IKZF1: variants seen among roughly 807,000 people sequenced by gnomAD.
IKZF1 encodes DNA-binding protein Ikaros.
Under a neutral mutation model 51.7 loss-of-function variants are expected in IKZF1, and 10 were observed. The observed-to-expected ratio is 0.19, with a 90% CI of 0.12 to 0.33. The LOEUF (loss-of-function observed/expected upper bound fraction) is 0.33. IKZF1 is among the 10% of genes least tolerant of loss of function. The pLI, the probability that IKZF1 is intolerant of heterozygous loss-of-function variation, is 1.00. For missense variants in IKZF1, 484 were observed against 707.5 expected, an observed-to-expected ratio of 0.68 and a Z score of 3.58; for synonymous variants, 280 against 282.3, an observed-to-expected ratio of 0.99 and a Z score of 0.08.
At chr7:50,311,352 A>G (rs2153339949) in intron 1 of IKZF1, among the ~76,000 whole-genome samples, 1 of 152,304 alleles carries the variant, frequency 6.6e-6, no homozygotes, top group Non-Finnish European at 1.5e-5. Flanking sequence ...TTCTTTCTGT[A>G]TTTATATGTA....
chr7:50,306,471 A>C (rs1286372656), intron 1 of IKZF1, among the ~76,000 whole-genome samples: 1 of 152,206 alleles, frequency 6.6e-6, no homozygotes, highest in African/African-American at 2.4e-5. Context: ...TGTTCTAATT[A>C]GAGTGGTACC....
chr7:50,318,462 A>G lies in IKZF1; in HGVS notation c.-14-586A>G, dbSNP rs1215381559. Reference sequence around the variant, plus strand: ...CTGAGGCAAGGGCCCAGAAAGATTGAGGGACAAAGACAGGAGCGCCCGCAT... The same window carrying G: ...CTGAGGCAAGGGCCCAGAAAGATTGGGGGACAAAGACAGGAGCGCCCGCAT... On this transcript the variant is annotated intron_variant, in intron 1 of 7. Coordinates refer to ENST00000331340, the MANE Select transcript of IKZF1 (RefSeq NM_006060.6). 30 of 228,958 alleles carry G rather than the reference A, an allele frequency of 1.3e-4. No individual in the cohort carries two copies. The East Asian group carries it at 1.7e-3, about 13-fold the overall frequency. The allele number at this position is 228,958 out of a possible 1,614,324, so 14.2% of individuals were successfully genotyped here. A position where few individuals can be genotyped will look rare whatever the true frequency, so the allele number is the denominator to read the frequency against.
At chr7:50,363,527 C>T (rs1805893588) in intron 3 of IKZF1, among the ~76,000 whole-genome samples, 1 of 152,148 alleles carries the variant, frequency 6.6e-6, no homozygotes, top group African/African-American at 2.4e-5. Context: ...TTACACCACC[C>T]AGCACTCCCC....
chr7:50,341,779 T>C (rs1799125477), intron 3 of IKZF1, among the ~76,000 whole-genome samples: 1 of 152,198 alleles, frequency 6.6e-6, no homozygotes, highest in African/African-American at 2.4e-5. Flanking sequence ...ATATAAGCAA[T>C]TGTTAATGAA....
At chr7:50,387,592 A>T in intron 6 of IKZF1, 122 bp downstream of exon 6, 1 of 1,376,004 alleles carries the variant, frequency 7.3e-7, no homozygotes, top group South Asian at 1.8e-5. Flanking sequence ...CGGGGCTAGG[A>T]GGGAGGGAAG....
chr7:50,381,529 T>C (rs1811843899), intron 4 of IKZF1, among the ~76,000 whole-genome samples: 1 of 152,232 alleles, frequency 6.6e-6, no homozygotes, highest in Non-Finnish European at 1.5e-5. Flanking sequence ...GCATATTTCT[T>C]TTACTCAGAT....
intron 3 of IKZF1, among the ~76,000 whole-genome samples, chr7:50,360,365 G>T (rs1562824424): frequency 1.3e-5 from 2 of 152,070 alleles, no homozygotes; most frequent in Non-Finnish European, 2.9e-5. Flanking sequence ...CGCTTAGGTG[G>T]ACAAAGGCCA....
intron 3 of IKZF1, among the ~76,000 whole-genome samples, chr7:50,369,922 A>G (rs957595463): frequency 1.3e-5 from 2 of 152,356 alleles, no homozygotes; most frequent in South Asian, 4.1e-4. Context: ...TTTAAATGAT[A>G]TTAAGTTATA....
chr7:50,383,897 T>C (rs1443066282), intron 5 of IKZF1, among the ~76,000 whole-genome samples: 1 of 152,208 alleles, frequency 6.6e-6, no homozygotes, highest in African/African-American at 2.4e-5. Context: ...GGTTGAGGGT[T>C]TTAGAGGCTG....
chr7:50,362,084 T>C (rs970576786), intron 3 of IKZF1, among the ~76,000 whole-genome samples: 2 of 152,224 alleles, frequency 1.3e-5, no homozygotes, highest in Non-Finnish European at 2.9e-5. Context: ...CTAGTTGTAC[T>C]ACATGAAGAG....
intron 3 of IKZF1, among the ~76,000 whole-genome samples, chr7:50,347,554 GC>G (rs2153425618): frequency 6.6e-6 from 1 of 152,336 alleles, no homozygotes; most frequent in East Asian, 1.9e-4. Context: ...AGGAAAACAT[GC>G]CATTGTCTCC....
intron 6 of IKZF1, among the ~76,000 whole-genome samples, chr7:50,388,305 A>G (rs1426931118): frequency 1.3e-5 from 2 of 152,250 alleles, no homozygotes; most frequent in Non-Finnish European, 2.9e-5. Context: ...AAATTTAACG[A>G]ATGGAGGAAA....
intron 3 of IKZF1, among the ~76,000 whole-genome samples, chr7:50,351,145 C>T (rs908387301): frequency 6.6e-6 from 1 of 152,162 alleles, no homozygotes; most frequent in African/African-American, 2.4e-5. Context: ...TTGTTCATTA[C>T]ATGCTCTCTC....
intron 4 of IKZF1, among the ~76,000 whole-genome samples, chr7:50,379,045 T>G (rs1483362597): frequency 6.6e-6 from 1 of 152,250 alleles, no homozygotes; most frequent in Non-Finnish European, 1.5e-5. Flanking sequence ...TCTAGAGCAG[T>G]GCTTCTCAAA....
chr7:50,345,918 G>T (rs1800244603), intron 3 of IKZF1, among the ~76,000 whole-genome samples: 1 of 152,162 alleles, frequency 6.6e-6, no homozygotes, highest in Admixed American at 6.5e-5. Context: ...TGGCAGTTCT[G>T]CCTGGTTTGA....
At chr7:50,365,009 A>C (rs1438218324) in intron 3 of IKZF1, among the ~76,000 whole-genome samples, 1 of 152,218 alleles carries the variant, frequency 6.6e-6, no homozygotes, top group African/African-American at 2.4e-5. Flanking sequence ...GTATATTTGC[A>C]TTAACACACA....
At chr7:50,349,095 C>A (rs1299697903) in intron 3 of IKZF1, among the ~76,000 whole-genome samples, 1 of 152,202 alleles carries the variant, frequency 6.6e-6, no homozygotes, top group Non-Finnish European at 1.5e-5. Flanking sequence ...GAACCCACAT[C>A]TTCTGATTAT....
At chr7:50,340,192 G>A (rs1798748052) in intron 3 of IKZF1, among the ~76,000 whole-genome samples, 1 of 152,194 alleles carries the variant, frequency 6.6e-6, no homozygotes. Context: ...TTTGTGCTTT[G>A]AAGCACCTGA....
At chr7:50,395,400 C>T (rs552414216) in intron 7 of IKZF1, among the ~76,000 whole-genome samples, 1 of 152,088 alleles carries the variant, frequency 6.6e-6, no homozygotes, top group Non-Finnish European at 1.5e-5. Flanking sequence ...TTTAAAGGAT[C>T]CTCTAAGATT....
Sources: gnomAD v4.1 joint callset for allele counts (sites outside exome capture counted in the v4.1 genomes callset) on GRCh38, gnomAD v4.1.1 for gene constraint, MANE v1.5 for transcripts, NCBI Gene and HGNC (gene_info 2026-07-23, HGNC 2026-07-21) for gene names.